Variants in SLC24A3 observed in about 807,000 individuals in gnomAD.
The protein encoded by SLC24A3 is sodium/potassium/calcium exchanger 3.
In SLC24A3, 28 loss-of-function variants were observed where a neutral mutation model predicts 75.8. The observed-to-expected ratio is 0.37, with a 90% CI of 0.27 to 0.51. The LOEUF (loss-of-function observed/expected upper bound fraction) is 0.51, where lower values mean the gene tolerates loss of function less well. Ranked by LOEUF, SLC24A3 falls within the 20% of genes least tolerant of loss-of-function variation. SLC24A3 has a pLI of 0.94. For missense variants in SLC24A3, 663 were observed against 847.8 expected (o/e 0.78, Z 2.71); for synonymous variants, 372 against 334.1 (o/e 1.11, Z -1.24).
chr20:19,636,412 C>G (rs1343382176), intron 6 of SLC24A3, among the ~76,000 whole-genome samples: 1 of 152,112 alleles, frequency 6.6e-6, no homozygotes, highest in African/African-American at 2.4e-5. Context: ...CAAGACAGTA[C>G]CAGAAAGATG....
At chr20:19,640,420 T>G (rs1271087582) in intron 6 of SLC24A3, among the ~76,000 whole-genome samples, 2 of 152,192 alleles carry the variant, frequency 1.3e-5, no homozygotes, top group Non-Finnish European at 2.9e-5. Context: ...TATACTCAGT[T>G]GTCCTGCTTG....
intron 1 of SLC24A3, among the ~76,000 whole-genome samples, chr20:19,226,428 C>T (rs945940870): frequency 6.6e-6 from 1 of 152,026 alleles, no homozygotes; most frequent in Non-Finnish European, 1.5e-5. Context: ...AATACTGGCA[C>T]CATAAAATGA....
At chr20:19,290,259 C>G (rs1983908236) in intron 2 of SLC24A3, among the ~76,000 whole-genome samples, 1 of 152,138 alleles carries the variant, frequency 6.6e-6, no homozygotes, top group Non-Finnish European at 1.5e-5. Context: ...AGGTCCACCC[C>G]AGGCCAGGAA....
chr20:19,471,944 A>C (rs1226577423), intron 2 of SLC24A3, among the ~76,000 whole-genome samples: 1 of 152,272 alleles, frequency 6.6e-6, no homozygotes, highest in East Asian at 1.9e-4. Context: ...TGACAGAGAG[A>C]TTATTGCTTT....
chr20:19,241,259 G>C (rs1982318894), intron 1 of SLC24A3, among the ~76,000 whole-genome samples: 1 of 152,202 alleles, frequency 6.6e-6, no homozygotes, highest in Non-Finnish European at 1.5e-5. Context: ...ACCTGTCCAA[G>C]ATTCTTTCTG....
chr20:19,633,453 T>G (rs1251510260), intron 6 of SLC24A3, among the ~76,000 whole-genome samples: 5 of 151,800 alleles, frequency 3.3e-5, no homozygotes, highest in Admixed American at 6.6e-5. Flanking sequence ...ATCGAGACCA[T>G]CCCGGCTAAA....
intron 2 of SLC24A3, among the ~76,000 whole-genome samples, chr20:19,377,988 C>CT (rs1258058876): frequency 6.6e-6 from 1 of 152,196 alleles, no homozygotes; most frequent in Non-Finnish European, 1.5e-5. Context: ...AGCCGAGGAG[C>CT]TTTTACAGAG....
intron 1 of SLC24A3, among the ~76,000 whole-genome samples, chr20:19,238,681 C>T (rs1349844067): frequency 6.6e-6 from 1 of 152,174 alleles, no homozygotes; most frequent in Non-Finnish European, 1.5e-5. Flanking sequence ...AGAGAGAGTC[C>T]TAACCATGGG....
intron 3 of SLC24A3, among the ~76,000 whole-genome samples, chr20:19,549,613 A>C (rs1600276379): frequency 6.6e-6 from 1 of 152,120 alleles, no homozygotes; most frequent in Non-Finnish European, 1.5e-5. Flanking sequence ...CTGAAACCCC[A>C]TGCCTACTAA....
chr20:19,698,151 T>A (rs2032832208), intron 14 of SLC24A3, among the ~76,000 whole-genome samples: 1 of 151,748 alleles, frequency 6.6e-6, no homozygotes. Flanking sequence ...TCTCACGAGA[T>A]CTCACTCACT....
intron 2 of SLC24A3, among the ~76,000 whole-genome samples, chr20:19,400,210 G>A (rs1986526588): frequency 6.6e-6 from 1 of 152,298 alleles, no homozygotes; most frequent in Non-Finnish European, 1.5e-5. Flanking sequence ...TACAGACATT[G>A]TGGATTTTAC....
chr20:19,498,041 C>T (rs1321283097), intron 2 of SLC24A3, among the ~76,000 whole-genome samples: 1 of 152,064 alleles, frequency 6.6e-6, no homozygotes, highest in Non-Finnish European at 1.5e-5. Context: ...TCAGTGGTGG[C>T]ATTAGATTCT....
intron 6 of SLC24A3, among the ~76,000 whole-genome samples, chr20:19,609,590 C>T (rs1034519827): frequency 2.6e-5 from 4 of 152,112 alleles, no homozygotes; most frequent in South Asian, 2.1e-4. Flanking sequence ...CAACAGGCCC[C>T]GGTGTGTGTT....
At chr20:19,601,323 G>T (rs1339259135) in intron 6 of SLC24A3, among the ~76,000 whole-genome samples, 2 of 152,156 alleles carry the variant, frequency 1.3e-5, no homozygotes, top group African/African-American at 2.4e-5. Flanking sequence ...CTCTGCAGCT[G>T]CCCTCTCAGA....
Position 19,622,734 on chromosome 20 carries a change from A to G in SLC24A3, c.613-31328A>G, listed in dbSNP as rs189150398. Among the ~76,000 whole-genome samples, 14 of 152,336 alleles carry G rather than the reference A, an allele frequency of 9.2e-5. No homozygotes were observed. In the East Asian group the frequency reaches 2.7e-3, roughly 29 times the overall value. ...AGCCCATTTGTGTTGCTATAAAAGAAATACCTGAGGCTGGGTAATTTACAA... is the reference window on the plus strand; with the variant it reads ...AGCCCATTTGTGTTGCTATAAAAGAGATACCTGAGGCTGGGTAATTTACAA... On this transcript the variant is annotated intron_variant, in intron 6 of 16. Transcript: ENST00000328041.
At chr20:19,635,786 C>G (rs1600313641) in intron 6 of SLC24A3, among the ~76,000 whole-genome samples, 1 of 152,150 alleles carries the variant, frequency 6.6e-6, no homozygotes, top group Non-Finnish European at 1.5e-5. Flanking sequence ...TCATGGCAGC[C>G]TCAGGTTATC....
At chr20:19,322,133 T>C (rs1984721461) in intron 2 of SLC24A3, among the ~76,000 whole-genome samples, 1 of 152,122 alleles carries the variant, frequency 6.6e-6, no homozygotes, top group African/African-American at 2.4e-5. Context: ...GTCCACCAGG[T>C]TGATGCTTTG....
At chr20:19,318,490 G>A (rs765131828) in intron 2 of SLC24A3, among the ~76,000 whole-genome samples, 3 of 152,152 alleles carry the variant, frequency 2.0e-5, no homozygotes, top group Non-Finnish European at 4.4e-5. Context: ...TAGTACTGAT[G>A]TTCACGACTC....
At chr20:19,380,378 G>T (rs374642931) in intron 2 of SLC24A3, among the ~76,000 whole-genome samples, 3 of 152,212 alleles carry the variant, frequency 2.0e-5, no homozygotes, top group Non-Finnish European at 4.4e-5. Flanking sequence ...GTCCTTGTGG[G>T]TTGTGCTAAG....
Sources: gnomAD v4.1 joint callset for allele counts (sites outside exome capture counted in the v4.1 genomes callset) on GRCh38, gnomAD v4.1.1 for gene constraint, MANE v1.5 for transcripts, NCBI Gene and HGNC (gene_info 2026-07-23, HGNC 2026-07-21) for gene names.